The following PTPRG variants were observed in gnomAD, a reference collection of about 807,000 sequenced individuals.
PTPRG encodes receptor-type tyrosine-protein phosphatase gamma.
In PTPRG, 102 loss-of-function variants were observed where a neutral mutation model predicts 165.3. The ratio of observed to expected loss-of-function variants is 0.62; its 90% confidence interval spans 0.53 to 0.73. PTPRG has a LOEUF of 0.73. Among genes scored for constraint, PTPRG ranks in the 30% least tolerant of loss-of-function variants. PTPRG has a pLI of 0.00. For missense variants in PTPRG, 1,866 were observed against 1,861.4 expected (o/e 1.00, Z -0.05); for synonymous variants, 675 against 669.5 (o/e 1.01, Z -0.13).
chr3:62,257,063 T>C (rs1048758416), intron 16 of PTPRG, among the ~76,000 whole-genome samples: 3 of 152,172 alleles, frequency 2.0e-5, no homozygotes, highest in African/African-American at 7.2e-5. Context: ...TCACTGTCTT[T>C]TCAGGTTTGA....
At chr3:62,172,235 T>C (rs992756026) in intron 8 of PTPRG, among the ~76,000 whole-genome samples, 1 of 152,246 alleles carries the variant, frequency 6.6e-6, no homozygotes, top group Non-Finnish European at 1.5e-5. Context: ...TGTGTAAATA[T>C]ACATTTTCAA....
intron 2 of PTPRG, among the ~76,000 whole-genome samples, chr3:61,930,679 C>G (rs2039336865): frequency 6.6e-6 from 1 of 152,130 alleles, no homozygotes; most frequent in Non-Finnish European, 1.5e-5. Flanking sequence ...GTGGCATCCT[C>G]TATGGGTGTT....
At chr3:61,678,220 G>A (rs1703305731) in intron 1 of PTPRG, among the ~76,000 whole-genome samples, 2 of 152,128 alleles carry the variant, frequency 1.3e-5, no homozygotes, top group Admixed American at 6.5e-5. Flanking sequence ...GAAAATGACT[G>A]TCGTTCTAAA....
intron 26 of PTPRG, among the ~76,000 whole-genome samples, chr3:62,278,175 G>A (rs896107208): frequency 6.6e-6 from 1 of 152,044 alleles, no homozygotes; most frequent in Non-Finnish European, 1.5e-5. Context: ...CAAGTAACTG[G>A]AGCCAGGATT....
chr3:62,045,489 T>A (rs758177754), intron 4 of PTPRG, among the ~76,000 whole-genome samples: 1 of 152,214 alleles, frequency 6.6e-6, no homozygotes, highest in Non-Finnish European at 1.5e-5. Flanking sequence ...TTAACAGACA[T>A]GAACTGTGTA....
chr3:62,014,312 C>T (rs910780236), intron 4 of PTPRG, among the ~76,000 whole-genome samples: 2 of 152,270 alleles, frequency 1.3e-5, no homozygotes, highest in East Asian at 1.9e-4. Context: ...AGCACGGATA[C>T]TGCTCTGGAT....
At chr3:61,968,441 A>C (rs1418505701) in intron 2 of PTPRG, among the ~76,000 whole-genome samples, 2 of 152,000 alleles carry the variant, frequency 1.3e-5, no homozygotes, top group Non-Finnish European at 2.9e-5. Flanking sequence ...GCTGAGTTGG[A>C]TTTTCTTAGG....
At chr3:61,829,683 C>G (rs530712704) in intron 2 of PTPRG, among the ~76,000 whole-genome samples, 1 of 152,296 alleles carries the variant, frequency 6.6e-6, no homozygotes, top group East Asian at 1.9e-4. Flanking sequence ...ACAGTGATGA[C>G]TCTTGCAGGA....
chr3:61,844,552 G>T (rs1205269390), intron 2 of PTPRG, among the ~76,000 whole-genome samples: 1 of 152,096 alleles, frequency 6.6e-6, no homozygotes, highest in African/African-American at 2.4e-5. Context: ...CTGTCACTCA[G>T]GCTGGAGTAC....
At chr3:61,654,782 C>CTTTTTTTT (rs5849443) in intron 1 of PTPRG, among the ~76,000 whole-genome samples, 2 of 129,448 alleles carry the variant, frequency 1.5e-5, no homozygotes, top group African/African-American at 2.9e-5. Flanking sequence ...TGTGCTTTTT[C>CTTTTTTTT]TTTTTTTTTT....
chr3:61,982,741 G>A (rs190627996), intron 2 of PTPRG, among the ~76,000 whole-genome samples: 15 of 152,240 alleles, frequency 9.9e-5, no homozygotes, highest in South Asian at 4.1e-4. Flanking sequence ...ATCAGGATTA[G>A]AGTCTGGGAC....
chr3:62,159,551 G>A (rs1283758481), intron 7 of PTPRG, among the ~76,000 whole-genome samples: 2 of 152,078 alleles, frequency 1.3e-5, no homozygotes, highest in East Asian at 1.9e-4. Flanking sequence ...GAAGCATTTT[G>A]ATCACCATTT....
chr3:61,571,274 G>T (rs1393781101), intron 1 of PTPRG, among the ~76,000 whole-genome samples: 2 of 152,128 alleles, frequency 1.3e-5, no homozygotes, highest in Non-Finnish European at 2.9e-5. Flanking sequence ...AGCGGTGGGG[G>T]GCGGTGACTG....
At chr3:61,614,755 G>A (rs994462054) in intron 1 of PTPRG, among the ~76,000 whole-genome samples, 3 of 152,160 alleles carry the variant, frequency 2.0e-5, no homozygotes, top group Non-Finnish European at 4.4e-5. Flanking sequence ...TTTTGTTGAG[G>A]AATGAATGAA....
chr3:62,262,010 T>C (rs1701714350), intron 16 of PTPRG: 1 of 152,226 alleles, frequency 6.6e-6, no homozygotes, highest in South Asian at 2.1e-4. Context: ...TGCTAATGAC[T>C]TCCCTTATTA....
intron 2 of PTPRG, among the ~76,000 whole-genome samples, chr3:61,887,597 T>G (rs1575754832): frequency 6.6e-6 from 1 of 152,298 alleles, no homozygotes; most frequent in Non-Finnish European, 1.5e-5. Context: ...CTATTTAACC[T>G]TTTGATTGCT....
intron 12 of PTPRG, among the ~76,000 whole-genome samples, chr3:62,215,800 G>C (rs1700486349): frequency 6.6e-6 from 1 of 152,116 alleles, no homozygotes; most frequent in Admixed American, 6.5e-5. Context: ...CACCAACACA[G>C]AGATGCCCCT....
At chr3:61,936,529 C>T (rs1293444615) in intron 2 of PTPRG, among the ~76,000 whole-genome samples, 1 of 152,176 alleles carries the variant, frequency 6.6e-6, no homozygotes, top group Non-Finnish European at 1.5e-5. Context: ...CAACCCCCTA[C>T]CCGCCCCCTA....
At chr3:61,972,402 G>A (rs1251880545) in intron 2 of PTPRG, among the ~76,000 whole-genome samples, 1 of 151,924 alleles carries the variant, frequency 6.6e-6, no homozygotes, top group Non-Finnish European at 1.5e-5. Flanking sequence ...GCATGCTGTT[G>A]GGGGGTTTCA....
Sources: gnomAD v4.1 joint callset for allele counts (sites outside exome capture counted in the v4.1 genomes callset) on GRCh38, gnomAD v4.1.1 for gene constraint, MANE v1.5 for transcripts, NCBI Gene and HGNC (gene_info 2026-07-23, HGNC 2026-07-21) for gene names.